CNTNAP2: variants seen among roughly 807,000 people sequenced by gnomAD.
CNTNAP2 encodes contactin-associated protein-like 2.
Under a neutral mutation model 155.2 loss-of-function variants are expected in CNTNAP2, and 98 were observed. That is an observed-to-expected ratio of 0.63 (90% CI 0.54 to 0.75). CNTNAP2 has a LOEUF of 0.75. Ranked by LOEUF, CNTNAP2 falls within the 30% of genes least tolerant of loss-of-function variation. The pLI is 0.00. For synonymous variants in CNTNAP2, 651 were observed against 631.2 expected, an observed-to-expected ratio of 1.03 and a Z score of -0.47; for missense variants, 1,727 against 1,688.1, an observed-to-expected ratio of 1.02 and a Z score of -0.40.
intron 1 of CNTNAP2, among the ~76,000 whole-genome samples, chr7:146,174,464 G>A (rs965626723): frequency 1.3e-4 from 19 of 151,898 alleles, no homozygotes; most frequent in African/African-American, 4.1e-4. Context: ...CAAGTGATCC[G>A]CCCACCTCGG....
intron 3 of CNTNAP2, among the ~76,000 whole-genome samples, chr7:146,891,783 C>T (rs1795783138): frequency 6.6e-6 from 1 of 152,090 alleles, no homozygotes; most frequent in African/African-American, 2.4e-5. Context: ...CATAGCAGGC[C>T]TCGTCAACAC....
intron 21 of CNTNAP2, among the ~76,000 whole-genome samples, chr7:148,275,973 C>G (rs1395309638): frequency 2.0e-5 from 3 of 152,022 alleles, no homozygotes; most frequent in African/African-American, 7.2e-5. Context: ...ATTTGAGGAA[C>G]CACAAGTTGC....
At chr7:146,919,372 G>T (rs1796454442) in intron 3 of CNTNAP2, among the ~76,000 whole-genome samples, 1 of 152,182 alleles carries the variant, frequency 6.6e-6, no homozygotes, top group Non-Finnish European at 1.5e-5. Flanking sequence ...TGTCCCATGG[G>T]GGTCCTCCCT....
At chr7:147,305,321 G>T (rs1269429981) in intron 9 of CNTNAP2, among the ~76,000 whole-genome samples, 1 of 152,136 alleles carries the variant, frequency 6.6e-6, no homozygotes, top group Non-Finnish European at 1.5e-5. Flanking sequence ...ATAATTAGGG[G>T]ATGTGGTTAT....
At chr7:146,619,666 T>A (rs773397154) in intron 1 of CNTNAP2, among the ~76,000 whole-genome samples, 43 of 152,160 alleles carry the variant, frequency 2.8e-4, no homozygotes, top group Non-Finnish European at 5.1e-4. Flanking sequence ...ACTTCTGACC[T>A]CAAGCGTGTG....
chr7:147,757,514 T>C (rs947579615), intron 13 of CNTNAP2, among the ~76,000 whole-genome samples: 2 of 152,180 alleles, frequency 1.3e-5, no homozygotes, highest in Admixed American at 6.5e-5. Flanking sequence ...TGAAGTCTTA[T>C]AGGCTTGACT....
chr7:147,305,110 G>T (rs910059008), intron 9 of CNTNAP2, among the ~76,000 whole-genome samples: 1 of 152,066 alleles, frequency 6.6e-6, no homozygotes. Flanking sequence ...GGGGCTCGGG[G>T]TTTCAATATG....
chr7:147,837,964 G>A (rs972206631), intron 13 of CNTNAP2, among the ~76,000 whole-genome samples: 6 of 152,088 alleles, frequency 3.9e-5, no homozygotes, highest in African/African-American at 9.7e-5. Context: ...TGAGCACCCC[G>A]CCCCTGCAGC....
At chr7:147,043,397 C>A (rs1421083886) in intron 3 of CNTNAP2, among the ~76,000 whole-genome samples, 2 of 152,104 alleles carry the variant, frequency 1.3e-5, no homozygotes, top group East Asian at 3.8e-4. Flanking sequence ...ATCCATTGAA[C>A]AAATTCTCTA....
intron 19 of CNTNAP2, among the ~76,000 whole-genome samples, chr7:148,225,265 C>G (rs181643795): frequency 2.4e-3 from 366 of 152,128 alleles, no homozygotes; most frequent in Non-Finnish European, 3.5e-3. Context: ...AAAGGGAGGG[C>G]CTGGCCAAGG....
chr7:147,644,892 A>G (rs1323652566), intron 13 of CNTNAP2, among the ~76,000 whole-genome samples: 1 of 152,000 alleles, frequency 6.6e-6, no homozygotes, highest in Non-Finnish European at 1.5e-5. Flanking sequence ...TTCCTTACAT[A>G]TATATTTATT....
intron 19 of CNTNAP2, among the ~76,000 whole-genome samples, chr7:148,220,559 A>T (rs942556768): frequency 6.6e-6 from 1 of 152,110 alleles, no homozygotes; most frequent in African/African-American, 2.4e-5. Flanking sequence ...AATTTTATGT[A>T]TGTTAAACCA....
At chr7:146,125,509 G>A (rs1797621221) in intron 1 of CNTNAP2, among the ~76,000 whole-genome samples, 1 of 149,008 alleles carries the variant, frequency 6.7e-6, no homozygotes, top group African/African-American at 2.5e-5. Flanking sequence ...CCAGGAGGCG[G>A]AGCTTGCAGT....
intron 13 of CNTNAP2, among the ~76,000 whole-genome samples, chr7:147,717,099 G>C (rs952445427): frequency 6.6e-6 from 1 of 151,872 alleles, no homozygotes; most frequent in Non-Finnish European, 1.5e-5. Context: ...GGTGAAGTAG[G>C]CCTTTCTATT....
chr7:146,629,621 C>G (rs1352795098), intron 1 of CNTNAP2, among the ~76,000 whole-genome samples: 1 of 152,012 alleles, frequency 6.6e-6, no homozygotes, highest in East Asian at 1.9e-4. Context: ...TCCAACAACC[C>G]TGATAATCAT....
At chr7:146,800,594 T>C (rs1249194577) in intron 2 of CNTNAP2, among the ~76,000 whole-genome samples, 1 of 152,194 alleles carries the variant, frequency 6.6e-6, no homozygotes, top group Admixed American at 6.5e-5. Context: ...CAAGGTGTCC[T>C]CAGGCACAGA....
chr7:147,205,266 T>C (rs1803000207), intron 8 of CNTNAP2, among the ~76,000 whole-genome samples: 2 of 152,118 alleles, frequency 1.3e-5, no homozygotes, highest in Non-Finnish European at 2.9e-5. Context: ...AAGTCTCCAG[T>C]GTGCATTATA....
At chr7:148,120,535 G>A (rs751366839) in intron 16 of CNTNAP2, among the ~76,000 whole-genome samples, 2 of 152,034 alleles carry the variant, frequency 1.3e-5, no homozygotes, top group Non-Finnish European at 2.9e-5. Flanking sequence ...CCAAAGTGCT[G>A]GGATTACAGG....
At chr7:146,248,887 G>C (rs1437707312) in intron 1 of CNTNAP2, among the ~76,000 whole-genome samples, 5 of 152,158 alleles carry the variant, frequency 3.3e-5, no homozygotes, top group Non-Finnish European at 7.3e-5. Flanking sequence ...TCACCTGGGT[G>C]CAGGCAGGCT....
Sources: allele counts gnomAD v4.1 joint callset (sites outside exome capture counted in the v4.1 genomes callset), GRCh38; gene constraint gnomAD v4.1.1; transcripts MANE v1.5; gene names NCBI Gene and HGNC (gene_info 2026-07-23, HGNC 2026-07-21).